MLIP: variants seen among roughly 807,000 people sequenced by gnomAD.
MLIP encodes muscular LMNA-interacting protein.
A neutral mutation model predicts 84.8 loss-of-function variants in MLIP; 79 were observed. That is an observed-to-expected ratio of 0.93 (90% CI 0.78 to 1.12). The LOEUF is 1.12. Ranked by LOEUF, MLIP falls within the 50% of genes most tolerant of loss-of-function variation. The pLI, the probability that MLIP is intolerant of heterozygous loss-of-function variation, is 0.00. For synonymous variants in MLIP, 504 were observed against 463.0 expected (o/e 1.09, Z -1.14); for missense variants, 1,257 against 1,160.6 (o/e 1.08, Z -1.21).
intron 10 of MLIP, among the ~76,000 whole-genome samples, chr6:54,190,404 T>C (rs1777796997): frequency 6.6e-6 from 1 of 152,188 alleles, no homozygotes. Flanking sequence ...TTTTAAAACT[T>C]CTAGTACCCA....
intron 1 of MLIP, among the ~76,000 whole-genome samples, chr6:54,058,752 TGTTA>T (rs1765800480): frequency 1.3e-5 from 2 of 152,194 alleles, no homozygotes; most frequent in Non-Finnish European, 2.9e-5. Context: ...TACAAAAAAT[TGTTA>T]GTGACATTGG....
chr6:54,185,489 TAA>T (rs1777299924), intron 9 of MLIP, among the ~76,000 whole-genome samples: 2 of 152,168 alleles, frequency 1.3e-5, no homozygotes, highest in Non-Finnish European at 2.9e-5. Flanking sequence ...AGAGATTGGA[TAA>T]AAAGATATTT....
At chr6:54,163,687 A>C (rs541444458) in intron 8 of MLIP, among the ~76,000 whole-genome samples, 1 of 152,104 alleles carries the variant, frequency 6.6e-6, no homozygotes, top group East Asian at 1.9e-4. Flanking sequence ...ACATACATAT[A>C]CAATTTATTA....
intron 9 of MLIP, among the ~76,000 whole-genome samples, chr6:54,178,253 TCA>T (rs1776501504): frequency 6.6e-6 from 1 of 152,194 alleles, no homozygotes; most frequent in African/African-American, 2.4e-5. Flanking sequence ...TTCTGTAGTT[TCA>T]GTTGTAATGT....
chr6:54,254,696 T>C (rs574006076), intron 12 of MLIP, among the ~76,000 whole-genome samples: 23 of 152,066 alleles, frequency 1.5e-4, no homozygotes, highest in South Asian at 4.2e-4. Context: ...TCTATTGTAT[T>C]TTCTGAGATC....
intron 1 of MLIP, among the ~76,000 whole-genome samples, chr6:54,102,787 T>C (rs1768747800): frequency 6.6e-6 from 1 of 152,106 alleles, no homozygotes; most frequent in Non-Finnish European, 1.5e-5. Context: ...ACAAAACAAA[T>C]ACATTTCCCA....
chr6:54,208,690 T>G (rs1055418489), intron 11 of MLIP, among the ~76,000 whole-genome samples: 7 of 152,328 alleles, frequency 4.6e-5, no homozygotes, highest in African/African-American at 1.7e-4. Flanking sequence ...GAGACAAGAT[T>G]AGCCTGTGTA....
At chr6:54,108,036 A>G (rs1160805479), upstream of MLIP, among the ~76,000 whole-genome samples, 1 of 152,152 alleles carries the variant, frequency 6.6e-6, no homozygotes, top group Admixed American at 6.5e-5. Context: ...TAAAAGCAAT[A>G]TCTTAAGAGT....
intron 12 of MLIP, among the ~76,000 whole-genome samples, chr6:54,239,555 G>T (rs909649512): frequency 6.6e-6 from 1 of 150,934 alleles, no homozygotes; most frequent in South Asian, 2.1e-4. Flanking sequence ...CCGATCATTT[G>T]AGGTCAGGAG....
At chr6:54,124,451 T>C in intron 2 of MLIP, 22 bp from the exon 3 acceptor site, 1 of 1,580,154 alleles carries the variant, frequency 6.3e-7, no homozygotes, top group Non-Finnish European at 8.6e-7. Flanking sequence ...TCAATGCTTT[T>C]ATCTCTCTAC....
At chr6:54,166,818 C>T (rs1775243019) in intron 8 of MLIP, among the ~76,000 whole-genome samples, 1 of 151,944 alleles carries the variant, frequency 6.6e-6, no homozygotes, top group African/African-American at 2.4e-5. Flanking sequence ...ATCTTCATTT[C>T]CATTTATACT....
chr6:54,219,532 C>T (rs1426339012), intron 11 of MLIP, among the ~76,000 whole-genome samples: 1 of 152,064 alleles, frequency 6.6e-6, no homozygotes, highest in Non-Finnish European at 1.5e-5. Flanking sequence ...TTATGCAGTG[C>T]ATGACTGTAT....
At chr6:54,079,012 T>A (rs963758141) in intron 1 of MLIP, among the ~76,000 whole-genome samples, 9 of 152,188 alleles carry the variant, frequency 5.9e-5, no homozygotes, top group African/African-American at 2.2e-4. Context: ...TTTCTAGTGT[T>A]AAGAATGTTG....
chr6:54,133,355 A>G (rs1244002313), intron 3 of MLIP, among the ~76,000 whole-genome samples: 1 of 152,206 alleles, frequency 6.6e-6, no homozygotes, highest in African/African-American at 2.4e-5. Context: ...TTCATCAGAG[A>G]GAAGAGGACA....
intron 1 of MLIP, among the ~76,000 whole-genome samples, chr6:54,078,392 G>T (rs1766931411): frequency 6.6e-6 from 1 of 152,170 alleles, no homozygotes; most frequent in Non-Finnish European, 1.5e-5. Flanking sequence ...AAGAGCTCAA[G>T]ACCAGCCTGG....
At chr6:54,256,599 C>T (rs1241744874) in intron 12 of MLIP, among the ~76,000 whole-genome samples, 1 of 152,108 alleles carries the variant, frequency 6.6e-6, no homozygotes, top group Non-Finnish European at 1.5e-5. Flanking sequence ...TTGTGTGTGT[C>T]TCTTAGGTTG....
At chr6:54,084,464 A>G (rs1767358510) in intron 1 of MLIP, among the ~76,000 whole-genome samples, 1 of 152,184 alleles carries the variant, frequency 6.6e-6, no homozygotes, top group Non-Finnish European at 1.5e-5. Context: ...AATCAGGGTC[A>G]CATTACCTAG....
chr6:54,259,863 A>T (rs1783268656), intron 13 of MLIP, among the ~76,000 whole-genome samples: 1 of 151,912 alleles, frequency 6.6e-6, no homozygotes, highest in Non-Finnish European at 1.5e-5. Context: ...TGGTCAGACC[A>T]ATATTGACCA....
intron 11 of MLIP, chr6:54,203,864 C>G (rs2754808): frequency 0.91 from 138,752 of 152,356 alleles, 64,544 homozygotes; most frequent in East Asian, 1. Context: ...GGGATTACAG[C>G]CGTGAGCCAC....
Sources: allele counts gnomAD v4.1 joint callset (sites outside exome capture counted in the v4.1 genomes callset), GRCh38; gene constraint gnomAD v4.1.1; transcripts MANE v1.5; gene names NCBI Gene and HGNC (gene_info 2026-07-23, HGNC 2026-07-21).